The following GALNT17 variants were observed in gnomAD, a reference collection of about 807,000 sequenced individuals.
The protein encoded by GALNT17 is polypeptide N-acetylgalactosaminyltransferase 17.
In GALNT17, 29 loss-of-function variants were observed where a neutral mutation model predicts 63.7. That is an observed-to-expected ratio of 0.46 (90% CI 0.34 to 0.62). GALNT17 has a LOEUF of 0.62. GALNT17 is among the 20% of genes least tolerant of loss of function. GALNT17 has a pLI of 0.01. For missense variants in GALNT17, 603 were observed against 799.6 expected (o/e 0.75, Z 2.97); for synonymous variants, 305 against 318.3 (o/e 0.96, Z 0.45).
At chr7:71,268,721 C>T (rs866695659) in intron 1 of GALNT17, among the ~76,000 whole-genome samples, 29 of 152,178 alleles carry the variant, frequency 1.9e-4, no homozygotes, top group Middle Eastern at 6.8e-3. Flanking sequence ...TGAGTGCATT[C>T]TTGGGATCAC....
At chr7:71,686,531 C>T (rs930775916) in intron 9 of GALNT17, among the ~76,000 whole-genome samples, 1 of 143,490 alleles carries the variant, frequency 7.0e-6, no homozygotes, top group Admixed American at 7.4e-5. Flanking sequence ...CAGTCACACA[C>T]CACCATACCA....
Position 71,335,592 on chromosome 7 carries a change from G to T in GALNT17, c.281G>T (p.Arg94Leu). 6.2e-7 allele frequency: 1 copy of T among 1,610,658 alleles called. No individual in the cohort carries two copies. Among genetic ancestry groups the T allele is most frequent in the South Asian group, 1.1e-5 (1 of 90,482 alleles). Residue 94 changes from arginine (R) to leucine (L), a missense_variant, in exon 2 of 11, where the codon CGG (arginine) becomes CTG (leucine). Physicochemically the swap from Arg to Leu is moderately radical, Grantham distance 102. This residue lies in a region of GALNT17 where 195 missense variants were observed against 215.0 expected (regional missense o/e 0.91). Coordinates refer to ENST00000333538, the MANE Select transcript of GALNT17 (RefSeq NM_022479.3). ...SLGLIEGYGG[R>L]GKGGLPATLS... ...GGGCTCATTGAAGGTTATGGTGGGCGGGGTAAAGGGGGCCTTCCGGCTACT... is the reference window on the plus strand; with the variant it reads ...GGGCTCATTGAAGGTTATGGTGGGCTGGGTAAAGGGGGCCTTCCGGCTACT...
chr7:71,401,815 T>C (rs572224347), intron 3 of GALNT17, among the ~76,000 whole-genome samples: 1 of 152,258 alleles, frequency 6.6e-6, no homozygotes, highest in South Asian at 2.1e-4. Flanking sequence ...GATTCTACAT[T>C]ATGGTGAGTT....
intron 1 of GALNT17, among the ~76,000 whole-genome samples, chr7:71,137,138 A>G (rs1446465683): frequency 2.0e-3 from 107 of 54,114 alleles, no homozygotes; most frequent in African/African-American, 6.5e-3. Context: ...CATATTTTTG[A>G]CTTTTTTTTT....
At chr7:71,321,906 C>CCTTCCTTCCTTCCTTCCTTT (rs1791617758) in intron 1 of GALNT17, among the ~76,000 whole-genome samples, 4 of 104,980 alleles carry the variant, frequency 3.8e-5, no homozygotes, top group Non-Finnish European at 7.5e-5. Context: ...TTCCTTCCTT[C>CCTTCCTTCCTTCCTTCCTTT]CTTCCTTCCT....
intron 1 of GALNT17, among the ~76,000 whole-genome samples, chr7:71,304,015 T>G (rs1489353791): frequency 6.6e-6 from 1 of 152,218 alleles, no homozygotes; most frequent in African/African-American, 2.4e-5. Flanking sequence ...TTTGAGCCAA[T>G]TAAAATACTA....
At chr7:71,670,478 G>A (rs1791052629) in intron 8 of GALNT17, among the ~76,000 whole-genome samples, 1 of 152,082 alleles carries the variant, frequency 6.6e-6, no homozygotes, top group Admixed American at 6.6e-5. Context: ...CTGTGCTGTG[G>A]GCTGGAATCA....
At chr7:71,211,549 G>A (rs1024296097) in intron 1 of GALNT17, among the ~76,000 whole-genome samples, 1 of 152,204 alleles carries the variant, frequency 6.6e-6, no homozygotes, top group Non-Finnish European at 1.5e-5. Flanking sequence ...TGTGGAAGCA[G>A]CTTTGGAATT....
chr7:71,653,458 T>C (rs1225259400), intron 6 of GALNT17, among the ~76,000 whole-genome samples: 1 of 151,968 alleles, frequency 6.6e-6, no homozygotes, highest in Non-Finnish European at 1.5e-5. Context: ...CAGGCTGCAG[T>C]GCAATGGTGT....
At chr7:71,424,225 C>G (rs191917676) in intron 5 of GALNT17, among the ~76,000 whole-genome samples, 1 of 152,174 alleles carries the variant, frequency 6.6e-6, no homozygotes, top group Non-Finnish European at 1.5e-5. Context: ...GACATGTTGA[C>G]CTTCAGATCT....
chr7:71,382,365 A>G lies in GALNT17; in HGVS notation c.423-5870A>G, dbSNP rs141976064. ...ATTGCACCCTAGCCTGGGCCACAAAAGCAAGACTCCATCTCAAAAACACAA... is the reference window on the plus strand; with the variant it reads ...ATTGCACCCTAGCCTGGGCCACAAAGGCAAGACTCCATCTCAAAAACACAA... On this transcript the variant is annotated intron_variant, in intron 2 of 10. Coordinates refer to ENST00000333538, the MANE Select transcript of GALNT17 (RefSeq NM_022479.3). Among the ~76,000 whole-genome samples, 243 of 152,302 alleles carry G rather than the reference A, an allele frequency of 1.6e-3. 1 individual carries two copies. Among genetic ancestry groups the G allele is most frequent in the Admixed American group, 3.8e-3 (58 of 15,298 alleles).
At chr7:71,595,303 G>A (rs921512316) in intron 6 of GALNT17, among the ~76,000 whole-genome samples, 11 of 152,054 alleles carry the variant, frequency 7.2e-5, no homozygotes, top group African/African-American at 1.9e-4. Context: ...GGTGTCACAT[G>A]TCTGTAGTCA....
chr7:71,554,956 T>C (rs533437417), intron 5 of GALNT17, among the ~76,000 whole-genome samples: 1 of 152,310 alleles, frequency 6.6e-6, no homozygotes, highest in South Asian at 2.1e-4. Flanking sequence ...TTCTGCAGGT[T>C]GTACAAGAAG....
At position 71,229,478 on chromosome 7, in the gene GALNT17, G is replaced by A. The variant is rs138796986; in HGVS notation, c.238+96438G>A. Among the ~76,000 whole-genome samples, 944 of 152,306 alleles carry A rather than the reference G, an allele frequency of 6.2e-3. 10 individuals carry two copies. The highest frequency in any genetic ancestry group is 0.022 in the African/African-American group (895 of 41,568). ...CAGTCCATTTGGACAGCTGCCAGCT[G>A]CATGGTTTGGTGGTGGTTGTGAGCT... On this transcript the variant is annotated intron_variant, in intron 1 of 10. Coordinates refer to ENST00000333538, the MANE Select transcript of GALNT17 (RefSeq NM_022479.3).
At chr7:71,266,179 G>A (rs952746189) in intron 1 of GALNT17, among the ~76,000 whole-genome samples, 13 of 145,670 alleles carry the variant, frequency 8.9e-5, no homozygotes, top group African/African-American at 2.5e-4. Flanking sequence ...ATATCATCAG[G>A]CCCACCCAGA....
At chr7:71,589,675 G>A (rs778090963) in intron 6 of GALNT17, among the ~76,000 whole-genome samples, 20 of 152,028 alleles carry the variant, frequency 1.3e-4, no homozygotes, top group Non-Finnish European at 2.4e-4. Flanking sequence ...TTCAGTGCTC[G>A]TGAGATTTCT....
intron 1 of GALNT17, among the ~76,000 whole-genome samples, chr7:71,197,908 G>A (rs1214947090): frequency 6.6e-6 from 1 of 151,838 alleles, no homozygotes; most frequent in Non-Finnish European, 1.5e-5. Context: ...CTGTAAAAAG[G>A]GGATGCAGGC....
chr7:71,263,801 G>A (rs1371300127), intron 1 of GALNT17, among the ~76,000 whole-genome samples: 1 of 152,082 alleles, frequency 6.6e-6, no homozygotes, highest in Non-Finnish European at 1.5e-5. Flanking sequence ...GCAGGCGCCT[G>A]TAGTCCTAGC....
intron 1 of GALNT17, among the ~76,000 whole-genome samples, chr7:71,319,130 TG>T (rs1791558765): frequency 1.1e-4 from 4 of 36,522 alleles, no homozygotes; most frequent in African/African-American, 3.0e-4. Flanking sequence ...TTCTTTTTTT[TG>T]TTCTGTCATG....
Sources: allele counts gnomAD v4.1 joint callset (sites outside exome capture counted in the v4.1 genomes callset), GRCh38; gene constraint gnomAD v4.1.1; regional missense constraint gnomAD v4.1.1; transcripts MANE v1.5; gene names NCBI Gene and HGNC (gene_info 2026-07-23, HGNC 2026-07-21).